CAMK1D: variants seen among roughly 807,000 people sequenced by gnomAD.
CAMK1D encodes the protein calcium/calmodulin dependent protein kinase ID.
A neutral mutation model predicts 47.7 loss-of-function variants in CAMK1D; 9 were observed. The observed-to-expected ratio is 0.19, with a 90% CI of 0.11 to 0.33. The LOEUF is 0.33. CAMK1D is among the 10% of genes least tolerant of loss of function. CAMK1D has a pLI of 1.00. For missense variants in CAMK1D, 291 were observed against 488.7 expected (o/e 0.60, Z 3.81); for synonymous variants, 184 against 184.9 (o/e 0.99, Z 0.04).
chr10:12,816,895 A>G (rs962230644), intron 8 of CAMK1D, among the ~76,000 whole-genome samples: 4 of 147,160 alleles, frequency 2.7e-5, no homozygotes, highest in Non-Finnish European at 6.0e-5. Context: ...AAAAAAAAAA[A>G]AGACATACCC....
At chr10:12,574,458 C>T (rs112598187) in intron 2 of CAMK1D, among the ~76,000 whole-genome samples, 13 of 146,082 alleles carry the variant, frequency 8.9e-5, no homozygotes, top group Middle Eastern at 3.6e-3. Flanking sequence ...CACACCACCA[C>T]GCCTAGCTAA....
intron 8 of CAMK1D, among the ~76,000 whole-genome samples, chr10:12,818,118 T>C (rs1329896497): frequency 6.6e-6 from 1 of 152,108 alleles, no homozygotes; most frequent in African/African-American, 2.4e-5. Context: ...TAAAAATTAC[T>C]CCAGAAAACC....
At chr10:12,535,991 T>TA (rs1564397551) in intron 1 of CAMK1D, among the ~76,000 whole-genome samples, 13 of 152,000 alleles carry the variant, frequency 8.6e-5, no homozygotes, top group Non-Finnish European at 1.5e-4. Context: ...GGATGCTGTA[T>TA]GTAAACCTGG....
intron 1 of CAMK1D, among the ~76,000 whole-genome samples, chr10:12,368,475 C>T (rs907334541): frequency 2.0e-5 from 3 of 152,114 alleles, no homozygotes; most frequent in Non-Finnish European, 2.9e-5. Flanking sequence ...TGATTAGATT[C>T]ATGAAGTTCA....
intron 2 of CAMK1D, among the ~76,000 whole-genome samples, chr10:12,557,425 G>T (rs1461183263): frequency 6.6e-6 from 1 of 151,822 alleles, no homozygotes; most frequent in Non-Finnish European, 1.5e-5. Context: ...GGTGGTGGGC[G>T]CCTGTAGTCC....
At chr10:12,603,223 C>T (rs1223319980) in intron 2 of CAMK1D, among the ~76,000 whole-genome samples, 2 of 152,114 alleles carry the variant, frequency 1.3e-5, no homozygotes, top group East Asian at 2.0e-4. Context: ...TTGATGTTTC[C>T]TAATACATTT....
intron 3 of CAMK1D, among the ~76,000 whole-genome samples, chr10:12,693,906 T>C (rs547431325): frequency 8.9e-6 from 1 of 112,136 alleles, no homozygotes; most frequent in Non-Finnish European, 1.7e-5. Flanking sequence ...AAAATATATA[T>C]ATAATATATA....
chr10:12,618,651 A>G (rs1022960360), intron 2 of CAMK1D, among the ~76,000 whole-genome samples: 2 of 152,164 alleles, frequency 1.3e-5, no homozygotes, highest in Admixed American at 6.5e-5. Flanking sequence ...TTTATTTTTT[A>G]CTAAGTATTA....
chr10:12,512,422 G>C (rs2132166375), intron 1 of CAMK1D, among the ~76,000 whole-genome samples: 1 of 152,268 alleles, frequency 6.6e-6, no homozygotes, highest in Middle Eastern at 3.4e-3. Flanking sequence ...TTGAGATGGA[G>C]CCCTGCTCTG....
chr10:12,801,453 A>G (rs950108407), intron 6 of CAMK1D, among the ~76,000 whole-genome samples: 1 of 149,382 alleles, frequency 6.7e-6, no homozygotes, highest in African/African-American at 2.5e-5. Flanking sequence ...CCATCCATTC[A>G]TCTATCTATC....
intron 1 of CAMK1D, among the ~76,000 whole-genome samples, chr10:12,409,217 T>C (rs1839565842): frequency 6.6e-6 from 1 of 152,172 alleles, no homozygotes. Context: ...CGTTCTGTAA[T>C]CGTGTATTCA....
chr10:12,441,985 A>C (rs1475616384), intron 1 of CAMK1D, among the ~76,000 whole-genome samples: 1 of 152,218 alleles, frequency 6.6e-6, no homozygotes, highest in African/African-American at 2.4e-5. Context: ...TGTATAAAAT[A>C]AATTTTCTTG....
chr10:12,448,788 G>A (rs370301537), intron 1 of CAMK1D, among the ~76,000 whole-genome samples: 2 of 152,210 alleles, frequency 1.3e-5, no homozygotes, highest in East Asian at 1.9e-4. Context: ...CATTCCTCCC[G>A]GTGAAAAACA....
chr10:12,733,473 T>G (rs1373940061), intron 3 of CAMK1D, among the ~76,000 whole-genome samples: 2 of 152,234 alleles, frequency 1.3e-5, no homozygotes. Flanking sequence ...CAACACTTCC[T>G]GGCATAGAGT....
intron 1 of CAMK1D, among the ~76,000 whole-genome samples, chr10:12,546,769 A>G (rs1269401045): frequency 2.1e-5 from 3 of 143,968 alleles, no homozygotes; most frequent in African/African-American, 7.7e-5. Context: ...ATGAGAACAC[A>G]TGGACACAGG....
At chr10:12,809,133 A>C (rs867827639) in intron 6 of CAMK1D, among the ~76,000 whole-genome samples, 7 of 151,534 alleles carry the variant, frequency 4.6e-5, no homozygotes, top group African/African-American at 1.7e-4. Context: ...AAAAAAATCC[A>C]TACAGAAATA....
chr10:12,454,141 A>G, intron 1 of CAMK1D, among the ~76,000 whole-genome samples: 1 of 152,096 alleles, frequency 6.6e-6, no homozygotes, highest in East Asian at 1.9e-4. Context: ...GCAGGTTGTC[A>G]TTCTGTTTTT....
intron 8 of CAMK1D, among the ~76,000 whole-genome samples, chr10:12,820,326 G>A (rs995196503): frequency 1.6e-4 from 25 of 152,194 alleles, no homozygotes; most frequent in African/African-American, 6.0e-4. Flanking sequence ...CCGGCCTACA[G>A]TACATTTTAA....
At chr10:12,686,498 A>G (rs902828565) in intron 3 of CAMK1D, among the ~76,000 whole-genome samples, 5 of 151,652 alleles carry the variant, frequency 3.3e-5, no homozygotes, top group African/African-American at 1.2e-4. Flanking sequence ...ATTTTTTGTT[A>G]TTTTTAGTAG....
Sources: allele counts gnomAD v4.1 joint callset (sites outside exome capture counted in the v4.1 genomes callset), GRCh38; gene constraint gnomAD v4.1.1; transcripts MANE v1.5; gene names NCBI Gene and HGNC (gene_info 2026-07-23, HGNC 2026-07-21).